The following FCHO2 variants were observed in gnomAD, a reference collection of about 807,000 sequenced individuals.
FCHO2 encodes the protein F-BAR domain only protein 2.
A neutral mutation model predicts 114.1 loss-of-function variants in FCHO2; 43 were observed. The observed-to-expected ratio is 0.38, with a 90% CI of 0.30 to 0.49. The LOEUF (loss-of-function observed/expected upper bound fraction) is 0.49, where lower values mean the gene tolerates loss of function less well. Among genes scored for constraint, FCHO2 ranks in the 20% least tolerant of loss-of-function variants. The pLI is 0.97. For missense variants in FCHO2, 807 were observed against 950.4 expected (o/e 0.85, Z 1.98); for synonymous variants, 293 against 315.2 (o/e 0.93, Z 0.75).
chr5:72,970,342 C>G (rs940488911), intron 2 of FCHO2, among the ~76,000 whole-genome samples: 5 of 152,138 alleles, frequency 3.3e-5, no homozygotes. Flanking sequence ...CAAAGAGATA[C>G]ATGAATTACA....
chr5:72,956,962 A>G (rs774104083), intron 1 of FCHO2, among the ~76,000 whole-genome samples: 21 of 151,992 alleles, frequency 1.4e-4, no homozygotes, highest in Non-Finnish European at 2.8e-4. Flanking sequence ...TTACTCAGGT[A>G]TCTTTCGTGA....
intron 11 of FCHO2, among the ~76,000 whole-genome samples, chr5:73,045,846 A>T (rs1185491204): frequency 1.3e-5 from 2 of 152,188 alleles, no homozygotes; most frequent in Non-Finnish European, 2.9e-5. Flanking sequence ...ATATGTAATG[A>T]TATTGTCAGA....
intron 2 of FCHO2, among the ~76,000 whole-genome samples, chr5:72,979,048 A>G (rs1030609789): frequency 1.3e-5 from 2 of 152,168 alleles, no homozygotes; most frequent in African/African-American, 4.8e-5. Context: ...GATGTTCATC[A>G]GAGATATTGG....
intron 6 of FCHO2, 74 bp from the exon 7 acceptor site, chr5:73,015,552 C>G: frequency 1.1e-6 from 1 of 886,530 alleles, no homozygotes; most frequent in Non-Finnish European, 1.7e-6. Context: ...TTTCTGAAAG[C>G]TCTTTTGATT....
At chr5:73,080,882 G>A (rs978872048) in intron 22 of FCHO2, among the ~76,000 whole-genome samples, 1 of 152,092 alleles carries the variant, frequency 6.6e-6, no homozygotes, top group Non-Finnish European at 1.5e-5. Context: ...AGGCTGAGGC[G>A]AGAAGATTGC....
intron 11 of FCHO2, among the ~76,000 whole-genome samples, chr5:73,046,887 C>T (rs1439384392): frequency 6.6e-6 from 1 of 152,138 alleles, no homozygotes; most frequent in Non-Finnish European, 1.5e-5. Context: ...GTGATAGTCA[C>T]ATAAATGCTG....
At chr5:73,082,238 A>C (rs1204273484) in intron 23 of FCHO2, among the ~76,000 whole-genome samples, 1 of 150,392 alleles carries the variant, frequency 6.6e-6, no homozygotes, top group African/African-American at 2.4e-5. Context: ...CATTAGGCAG[A>C]GTGCTTGACC....
At chr5:73,006,132 C>G (rs549179897) in intron 5 of FCHO2, among the ~76,000 whole-genome samples, 6 of 152,240 alleles carry the variant, frequency 3.9e-5, no homozygotes, top group African/African-American at 1.4e-4. Context: ...GTTAACATAT[C>G]TTAGTAACAC....
At chr5:73,036,615 A>G (rs963560286) in intron 9 of FCHO2, among the ~76,000 whole-genome samples, 2 of 152,008 alleles carry the variant, frequency 1.3e-5, no homozygotes, top group Non-Finnish European at 2.9e-5. Flanking sequence ...AGTTCAAGTG[A>G]TCTGTCCGCT....
chr5:73,063,779 T>A (rs1757947912), intron 17 of FCHO2, 62 bp from the exon 18 acceptor site: 1 of 1,430,864 alleles, frequency 7.0e-7, no homozygotes, highest in Admixed American at 1.9e-5. Context: ...ATAGAATGTC[T>A]TTATGTAAGG....
At chr5:73,056,857 G>A (rs1334112048) in intron 16 of FCHO2, among the ~76,000 whole-genome samples, 1 of 151,912 alleles carries the variant, frequency 6.6e-6, no homozygotes, top group East Asian at 1.9e-4. Context: ...TAGAAGGCAT[G>A]TTGCCAGCTC....
At chr5:73,036,931 A>G (rs935830717) in intron 9 of FCHO2, among the ~76,000 whole-genome samples, 6 of 152,220 alleles carry the variant, frequency 3.9e-5, no homozygotes, top group South Asian at 2.1e-4. Context: ...TAAATGTTCT[A>G]TGATCTTTTG....
chr5:72,985,464 A>G (rs1306910783), intron 2 of FCHO2, among the ~76,000 whole-genome samples: 1 of 152,122 alleles, frequency 6.6e-6, no homozygotes, highest in Admixed American at 6.6e-5. Context: ...GCCCGCCTCT[A>G]TTCAGTATTT....
At chr5:73,031,031 C>G (rs1260242216) in intron 8 of FCHO2, among the ~76,000 whole-genome samples, 1 of 152,130 alleles carries the variant, frequency 6.6e-6, no homozygotes, top group African/African-American at 2.4e-5. Context: ...TCAAAAAGAG[C>G]ATCTAGTTCA....
At chr5:72,968,611 A>T in intron 2 of FCHO2, 22 bp downstream of exon 2, 1 of 1,454,666 alleles carries the variant, frequency 6.9e-7, no homozygotes, top group South Asian at 1.4e-5. Flanking sequence ...TTAAATAAGT[A>T]ATTTGTTTAA....
intron 8 of FCHO2, among the ~76,000 whole-genome samples, chr5:73,024,541 C>G (rs1755812182): frequency 2.0e-5 from 3 of 152,008 alleles, no homozygotes; most frequent in Admixed American, 2.0e-4. Flanking sequence ...TCGGTTCAAG[C>G]TATTCTCCTG....
chr5:73,085,735 A>G (rs1344891128), intron 24 of FCHO2, among the ~76,000 whole-genome samples: 6 of 151,778 alleles, frequency 4.0e-5, no homozygotes, highest in African/African-American at 1.5e-4. Flanking sequence ...AGATTGCACC[A>G]CTGTATTCCA....
chr5:72,997,487 A>C, intron 5 of FCHO2: 2 of 1,526,432 alleles, frequency 1.3e-6, no homozygotes, highest in Non-Finnish European at 9.1e-7. Flanking sequence ...AGGGGTTTAC[A>C]GGAGCCATCC....
At chr5:73,039,028 T>C (rs897151050) in intron 10 of FCHO2, among the ~76,000 whole-genome samples, 11 of 152,238 alleles carry the variant, frequency 7.2e-5, no homozygotes, top group Non-Finnish European at 1.2e-4. Context: ...TATCAATAAT[T>C]TCCCAATATG....
Sources: allele counts gnomAD v4.1 joint callset (sites outside exome capture counted in the v4.1 genomes callset), GRCh38; gene constraint gnomAD v4.1.1; transcripts MANE v1.5; gene names NCBI Gene and HGNC (gene_info 2026-07-23, HGNC 2026-07-21).